CEP72: variants seen among roughly 807,000 people sequenced by gnomAD.
CEP72 encodes the protein centrosomal protein of 72 kDa.
A neutral mutation model predicts 65.7 loss-of-function variants in CEP72; 78 were observed. That is an observed-to-expected ratio of 1.19 (90% confidence interval 0.99 to 1.43). CEP72 has a LOEUF of 1.43. CEP72 is among the 40% of genes most tolerant of loss of function. CEP72 has a pLI of 0.00. For missense variants in CEP72, 914 were observed against 832.9 expected (o/e 1.10, Z -1.20); for synonymous variants, 358 against 351.7 (o/e 1.02, Z -0.20).
chr5:668,106 A>C, downstream of CEP72, among the ~76,000 whole-genome samples: 1 of 97,810 alleles, frequency 1.0e-5, no homozygotes, highest in East Asian at 3.1e-4. Context: ...CCATCAGGGA[A>C]GTACCGACAA....
Position 633,817 on chromosome 5 carries a change from C to T in CEP72, c.561C>T (p.Ser187=). ...AKCTEALAKQ[S]LVMDADDEAV... is the part of the protein sequence containing the mutation. ...GCACCGAGGCCTTGGCCAAGCAGAG[C>T]CTGGTCATGGATGCGGATGACGAGG... Residue 187 remains serine (S), a synonymous_variant, in exon 5 of 12, where the codon AGC becomes AGT. Coordinates refer to ENST00000264935, the MANE Select transcript of CEP72 (RefSeq NM_018140.4). 5 of 1,614,114 alleles carry T rather than the reference C, an allele frequency of 3.1e-6. No homozygotes were observed. The highest frequency in any genetic ancestry group is 4.2e-6 in the Non-Finnish European group (5 of 1,180,038).
At chr5:672,423 A>G in the CEP72 span, among the ~76,000 whole-genome samples, 13 of 152,174 alleles carry the variant, frequency 8.5e-5, no homozygotes, top group Non-Finnish European at 1.9e-4. Flanking sequence ...AATACACCAC[A>G]CCCAGCACAC....
the CEP72 span, among the ~76,000 whole-genome samples, chr5:674,044 G>C: frequency 2.6e-5 from 4 of 152,196 alleles, no homozygotes; most frequent in African/African-American, 7.2e-5. Context: ...TGGTGTGTCC[G>C]GGCCAGCGCC....
the CEP72 span, among the ~76,000 whole-genome samples, chr5:674,166 C>T: frequency 2.0e-4 from 30 of 152,234 alleles, no homozygotes; most frequent in Admixed American, 3.9e-4. Context: ...ATCTCCACAC[C>T]GCTTTGCCCC....
At chr5:649,881 G>A (rs1738837227) in intron 11 of CEP72, among the ~76,000 whole-genome samples, 1 of 132,750 alleles carries the variant, frequency 7.5e-6, no homozygotes, top group African/African-American at 2.8e-5. Flanking sequence ...TGTGGACTGT[G>A]AGGTGGGACT....
At chr5:634,939 A>T (rs1055138027) in intron 5 of CEP72, among the ~76,000 whole-genome samples, 1 of 152,186 alleles carries the variant, frequency 6.6e-6, no homozygotes, top group Admixed American at 6.5e-5. Flanking sequence ...TCTGCCGCCC[A>T]GGCTGGAGTG....
At chr5:615,216 A>G (rs1441357996) in intron 1 of CEP72, among the ~76,000 whole-genome samples, 3 of 148,184 alleles carry the variant, frequency 2.0e-5, no homozygotes, top group Non-Finnish European at 3.0e-5. Flanking sequence ...GGTCACTGCA[A>G]CCTCTGCCTC....
chr5:650,401 T>G, intron 11 of CEP72, among the ~76,000 whole-genome samples: 1 of 51,408 alleles, frequency 1.9e-5, no homozygotes, highest in Non-Finnish European at 3.3e-5. Context: ...GACTGTGAGG[T>G]GTGACTGTGG....
rs1438061956 is a variant in CEP72, at chr5:633,839, G to A, written c.583G>A (p.Glu195Lys). Residue 195 changes from glutamate to lysine, a missense_variant, in exon 5 of 12, where the codon GAG (glutamate) becomes AAG (lysine). Coordinates refer to ENST00000264935, the MANE Select transcript of CEP72 (RefSeq NM_018140.4). ...KQSLVMDADD[E>K]AVLNLIAECE... The stretch of plus-strand genomic sequence containing the variant: ...GAGCCTGGTCATGGATGCGGATGAC[G>A]AGGCAGTCCTGAACCTCATTGCAGA... The A allele has an allele frequency of 6.8e-6, 11 of 1,613,932 alleles. No individual in the cohort carries two copies. Among genetic ancestry groups the A allele is most frequent in the Non-Finnish European group, 8.5e-6 (10 of 1,180,050 alleles).
the CEP72 span, chr5:675,946 G>T: frequency 6.6e-6 from 1 of 152,166 alleles, no homozygotes; most frequent in African/African-American, 2.4e-5. Context: ...CGGGGCCACT[G>T]GGACTGGACA....
intron 6 of CEP72, among the ~76,000 whole-genome samples, chr5:636,627 A>G (rs1371728637): frequency 6.6e-6 from 1 of 152,106 alleles, no homozygotes; most frequent in African/African-American, 2.4e-5. Context: ...CCTGGCCAAC[A>G]TGGTGAAACC....
Position 640,500 on chromosome 5 carries a change from C to A in CEP72, c.1435C>A (p.Leu479Met). The A allele has an allele frequency of 6.2e-7, 1 of 1,614,162 alleles. No homozygotes were observed. The highest frequency in any genetic ancestry group is 8.5e-7 in the Non-Finnish European group (1 of 1,180,026). Residue 479 changes from leucine (L) to methionine (M), a missense_variant, in exon 9 of 12, where the codon CTG (leucine) becomes ATG (methionine). Physicochemically the swap from Leu to Met is conservative, Grantham distance 15 (BLOSUM62 2). Coordinates refer to ENST00000264935, the MANE Select transcript of CEP72 (RefSeq NM_018140.4). ...GGGTGAAGATGTCGGCTCCCTGGCT[C>A]TGGAGAGTAAGTCCCTGCAAAGCCG... ...MVGEDVGSLA[L>M]ESKSLQSRLA...
downstream of CEP72, among the ~76,000 whole-genome samples, chr5:668,118 C>G (rs561001035): frequency 5.0e-4 from 60 of 119,358 alleles, 9 homozygotes; most frequent in African/African-American, 2.0e-3. Flanking sequence ...TACCGACAAG[C>G]ACACGGAGAG....
chr5:668,516 C>T (rs145742871), downstream of CEP72, among the ~76,000 whole-genome samples: 89 of 152,004 alleles, frequency 5.9e-4, 1 homozygote, highest in East Asian at 0.016. Flanking sequence ...CACAGCGAGG[C>T]CCCTGCACAC....
At chr5:662,265 C>G (rs1739657628) in intron 1 of CEP72, 1 of 152,706 alleles carries the variant, frequency 6.5e-6, no homozygotes, top group African/African-American at 2.4e-5. Context: ...GGGCCTGCTC[C>G]CTGCGAGGTC....
At chr5:658,645 A>ATTTTTTTTTTTTTTT (rs70955278), downstream of CEP72, among the ~76,000 whole-genome samples, 6 of 55,984 alleles carry the variant, frequency 1.1e-4, 2 homozygotes, top group African/African-American at 1.2e-4. Context: ...AGCAAAGCTG[A>ATTTTTTTTTTTTTTT]TTTTTTTTTT....
rs1464553273 is a variant in CEP72 at position 640,472 on chromosome 5, G to C, written c.1407G>C (p.Met469Ile). 6.2e-7 allele frequency: 1 copy of C among 1,614,130 alleles called. No individual in the cohort carries two copies. The highest frequency in any genetic ancestry group is 1.3e-5 in the African/African-American group (1 of 74,956). ...CAGCAGCTCAGGACAGCTCTGCGATGGTGGGTGAAGATGTCGGCTCCCTGG... is the reference window on the plus strand; with the variant it reads ...CAGCAGCTCAGGACAGCTCTGCGATCGTGGGTGAAGATGTCGGCTCCCTGG... ...EFTAAQDSSAMVGEDVGSLAL... is the reference protein window; with the variant it reads ...EFTAAQDSSAIVGEDVGSLAL... The change falls in exon 9 of 12, where the codon ATG becomes ATC. Residue 469 changes from methionine to isoleucine, a missense_variant. By Grantham distance (10) the Met-to-Ile change is conservative. Coordinates refer to ENST00000264935, the MANE Select transcript of CEP72 (RefSeq NM_018140.4).
chr5:620,543 C>T (rs1736322368), intron 3 of CEP72, among the ~76,000 whole-genome samples: 1 of 152,218 alleles, frequency 6.6e-6, no homozygotes, highest in South Asian at 2.1e-4. Flanking sequence ...TTCTGGCTCT[C>T]CGCGTCATGG....
intron 1 of CEP72, among the ~76,000 whole-genome samples, chr5:615,769 T>G (rs1735953329): frequency 6.6e-6 from 1 of 152,216 alleles, no homozygotes; most frequent in Non-Finnish European, 1.5e-5. Context: ...CTGCTGTGAC[T>G]TACTCGAATA....
Sources: gnomAD v4.1 joint callset for allele counts (sites outside exome capture counted in the v4.1 genomes callset) on GRCh38, gnomAD v4.1.1 for gene constraint, MANE v1.5 for transcripts, NCBI Gene and HGNC (gene_info 2026-07-23, HGNC 2026-07-21) for gene names.